DORIP1: variants seen among roughly 807,000 people sequenced by gnomAD.
DORIP1 encodes dopamine receptor-interacting protein 1.
chr14:44,901,087 A>G, the DORIP1 span: 6 of 878,244 alleles, frequency 6.8e-6, no homozygotes, highest in East Asian at 1.6e-4. Flanking sequence ...GCTGGTTTGT[A>G]GGATACTGTA....
At chr14:44,904,403 G>T in the DORIP1 span, 1 of 1,610,758 alleles carries the variant, frequency 6.2e-7, no homozygotes, top group Non-Finnish European at 8.5e-7. Context: ...AGGTGTGGTG[G>T]CTTAAGAGAA....
the DORIP1 span, chr14:44,903,213 C>T: frequency 2.5e-6 from 4 of 1,608,342 alleles, no homozygotes; most frequent in Non-Finnish European, 3.4e-6. Flanking sequence ...ATAGTCCTCC[C>T]CAAGAAATTC....
the DORIP1 span, chr14:44,897,603 G>C: frequency 6.2e-6 from 1 of 160,318 alleles, no homozygotes; most frequent in African/African-American, 2.4e-5. Context: ...GACGGAGACT[G>C]GCCGGTGTGG....
the DORIP1 span, chr14:44,906,178 A>G: frequency 2.6e-5 from 4 of 151,960 alleles, no homozygotes; most frequent in African/African-American, 9.6e-5. Flanking sequence ...TTCCTAAAGT[A>G]TTATAAACCT....
At chr14:44,900,464 C>A in the DORIP1 span, 1 of 1,544,832 alleles carries the variant, frequency 6.5e-7, no homozygotes, top group South Asian at 1.3e-5. Context: ...GAGATCAAAG[C>A]ATCAATTAAA....
chr14:44,903,667 A>C, the DORIP1 span: 1 of 987,868 alleles, frequency 1.0e-6, no homozygotes, highest in African/African-American at 1.7e-5. Flanking sequence ...AGCAGAACAT[A>C]TTCATCCCAA....
the DORIP1 span, chr14:44,903,126 A>C: frequency 1.0e-6 from 1 of 980,338 alleles, no homozygotes; most frequent in South Asian, 1.4e-5. Flanking sequence ...CTAATAAAGG[A>C]CTGAGCTGTA....
the DORIP1 span, chr14:44,903,641 A>G: frequency 1.3e-5 from 13 of 995,956 alleles, no homozygotes; most frequent in Non-Finnish European, 1.4e-5. Flanking sequence ...AACTTAACCT[A>G]GTAAAAGTTG....
chr14:44,904,593 G>A, the DORIP1 span: 5 of 1,419,656 alleles, frequency 3.5e-6, no homozygotes, highest in South Asian at 4.3e-5. Context: ...GTTATATTAT[G>A]ATTTTGACTA....
chr14:44,903,957 T>G, the DORIP1 span: 1 of 974,944 alleles, frequency 1.0e-6, no homozygotes, highest in Non-Finnish European at 1.2e-6. Context: ...TATGTTATAT[T>G]CTGATCCATA....
the DORIP1 span, chr14:44,900,328 C>G: frequency 9.1e-7 from 1 of 1,093,850 alleles, no homozygotes. Flanking sequence ...CTAATAACCA[C>G]ATTTGATTTG....
the DORIP1 span, among the ~76,000 whole-genome samples, chr14:44,902,083 A>G: frequency 2.0e-5 from 3 of 152,158 alleles, no homozygotes; most frequent in Non-Finnish European, 4.4e-5. Flanking sequence ...CACATACCCT[A>G]ATTTGTTAAA....
the DORIP1 span, among the ~76,000 whole-genome samples, chr14:44,899,904 T>A: frequency 1.4e-5 from 2 of 146,138 alleles, no homozygotes; most frequent in Non-Finnish European, 3.0e-5. Flanking sequence ...TGATCTCGGC[T>A]CACCGCAACC....
chr14:44,901,631 A>G, the DORIP1 span, among the ~76,000 whole-genome samples: 2 of 152,186 alleles, frequency 1.3e-5, no homozygotes, highest in Non-Finnish European at 2.9e-5. Flanking sequence ...AGCGCTTAAT[A>G]CTGTTTTGGA....
At chr14:44,904,565 A>G in the DORIP1 span, 140 of 1,536,714 alleles carry the variant, frequency 9.1e-5, no homozygotes, top group Admixed American at 8.9e-4. Flanking sequence ...TATAAAACTA[A>G]TAAAAAAAAT....
chr14:44,899,791 T>G, the DORIP1 span, among the ~76,000 whole-genome samples: 1 of 151,804 alleles, frequency 6.6e-6, no homozygotes, highest in Admixed American at 6.6e-5. Context: ...TAACCAAAGT[T>G]AATGTTTTTA....
the DORIP1 span, chr14:44,904,255 C>T: frequency 7.2e-7 from 1 of 1,393,664 alleles, no homozygotes; most frequent in Non-Finnish European, 9.3e-7. Context: ...AGTAATTACC[C>T]TATAACTATA....
chr14:44,897,422 A>G, the DORIP1 span: 1 of 186,230 alleles, frequency 5.4e-6, no homozygotes, highest in Non-Finnish European at 1.1e-5. Context: ...AGAGCCCAGA[A>G]CTCACGCCGG....
the DORIP1 span, chr14:44,904,636 T>C: frequency 8.7e-7 from 1 of 1,145,772 alleles, no homozygotes; most frequent in Non-Finnish European, 1.2e-6. Flanking sequence ...AACAATCATA[T>C]CTGTCTCTAA....
Sources: allele counts gnomAD v4.1 joint callset (sites outside exome capture counted in the v4.1 genomes callset), GRCh38; gene constraint gnomAD v4.1.1; transcripts MANE v1.5; gene names NCBI Gene and HGNC (gene_info 2026-07-23, HGNC 2026-07-21).